MCPH1: variants seen among roughly 807,000 people sequenced by gnomAD.
MCPH1 encodes microcephalin.
A neutral mutation model predicts 84.5 loss-of-function variants in MCPH1; 104 were observed. That is an observed-to-expected ratio of 1.23 (90% confidence interval 1.05 to 1.45). The LOEUF (loss-of-function observed/expected upper bound fraction) is 1.45, where lower values mean the gene tolerates loss of function less well. Ranked by LOEUF, MCPH1 falls within the 40% of genes most tolerant of loss-of-function variation. MCPH1 has a pLI of 0.00. For synonymous variants in MCPH1, 514 were observed against 366.8 expected, an observed-to-expected ratio of 1.40 and a Z score of -4.58; for missense variants, 1,498 against 1,005.7, an observed-to-expected ratio of 1.49 and a Z score of -6.62.
intron 3 of MCPH1, among the ~76,000 whole-genome samples, chr8:6,424,471 C>G (rs976460691): frequency 2.0e-5 from 3 of 152,292 alleles, no homozygotes; most frequent in African/African-American, 7.2e-5. Flanking sequence ...CTCCCGGAAT[C>G]CTCAGACTCC....
intron 12 of MCPH1, among the ~76,000 whole-genome samples, chr8:6,525,065 A>T (rs1458157798): frequency 6.6e-6 from 1 of 152,250 alleles, no homozygotes; most frequent in Non-Finnish European, 1.5e-5. Flanking sequence ...TTTAGTTCGA[A>T]TGATCTGGTA....
chr8:6,437,962 G>A (rs749201741), intron 5 of MCPH1, among the ~76,000 whole-genome samples: 1 of 152,088 alleles, frequency 6.6e-6, no homozygotes, highest in Non-Finnish European at 1.5e-5. Flanking sequence ...AAACCAGAAG[G>A]ACATCCCCTC....
At chr8:6,611,903 C>T (rs1411154347) in intron 12 of MCPH1, among the ~76,000 whole-genome samples, 1 of 152,214 alleles carries the variant, frequency 6.6e-6, no homozygotes, top group African/African-American at 2.4e-5. Context: ...CAGGCGTGAG[C>T]CACCGCGCCC....
At chr8:6,504,842 G>T (rs1220291819) in intron 12 of MCPH1, among the ~76,000 whole-genome samples, 1 of 152,000 alleles carries the variant, frequency 6.6e-6, no homozygotes, top group Non-Finnish European at 1.5e-5. Context: ...ATACACATAG[G>T]GTTTGATACT....
intron 9 of MCPH1, among the ~76,000 whole-genome samples, chr8:6,467,182 T>C (rs745631431): frequency 2.6e-5 from 4 of 152,216 alleles, no homozygotes; most frequent in Non-Finnish European, 4.4e-5. Flanking sequence ...TAAGACTTAG[T>C]TTATATATCA....
intron 13 of MCPH1, chr8:6,625,451 A>T (rs1831970602): frequency 5.1e-6 from 5 of 985,328 alleles, no homozygotes; most frequent in Non-Finnish European, 6.0e-6. Context: ...ACAATGTTTC[A>T]TTCTCAAAAT....
At chr8:6,626,622 G>A (rs1270305540) in intron 13 of MCPH1, 6 of 984,678 alleles carry the variant, frequency 6.1e-6, no homozygotes, top group Non-Finnish European at 7.2e-6. Flanking sequence ...TATTATATTT[G>A]AAAGCATTTG....
At chr8:6,461,809 T>G (rs11783794) in intron 9 of MCPH1, among the ~76,000 whole-genome samples, 1 of 152,232 alleles carries the variant, frequency 6.6e-6, no homozygotes, top group Non-Finnish European at 1.5e-5. Context: ...TTGAATATTG[T>G]CAGACACAGA....
chr8:6,491,581 C>T lies in MCPH1; in HGVS notation c.2137-8271C>T, dbSNP rs1033546514. Reference sequence around the variant, plus strand: ...TGCTGGTGTGCTGCACTCATTAACTCGTCATTTAGCATTAGGTATATCTCC... The same window carrying T: ...TGCTGGTGTGCTGCACTCATTAACTTGTCATTTAGCATTAGGTATATCTCC... On this transcript the variant is annotated intron_variant, in intron 11 of 13. Coordinates refer to ENST00000344683, the MANE Select transcript of MCPH1 (RefSeq NM_024596.5). Among the ~76,000 whole-genome samples the T allele has an allele frequency of 9.2e-5, 14 of 151,726 alleles. No homozygotes were observed. In the South Asian group the frequency reaches 1.3e-3, roughly 14 times the overall value.
At chr8:6,503,515 C>G (rs1283978108) in intron 12 of MCPH1, among the ~76,000 whole-genome samples, 1 of 152,108 alleles carries the variant, frequency 6.6e-6, no homozygotes, top group Non-Finnish European at 1.5e-5. Context: ...TGTGGAGAGG[C>G]CTGAATTCTC....
At chr8:6,478,747 T>C (rs1808802220) in intron 10 of MCPH1, among the ~76,000 whole-genome samples, 1 of 152,336 alleles carries the variant, frequency 6.6e-6, no homozygotes, top group South Asian at 2.1e-4. Flanking sequence ...TGTTTTTGTT[T>C]TCTTTTATCA....
chr8:6,626,610 CA>C, intron 13 of MCPH1: 1 of 984,050 alleles, frequency 1.0e-6, no homozygotes, highest in South Asian at 4.7e-5. Context: ...ATTGATAATA[CA>C]TATTATATTT....
chr8:6,611,641 C>T (rs559190696), intron 12 of MCPH1, among the ~76,000 whole-genome samples: 1 of 151,630 alleles, frequency 6.6e-6, no homozygotes, highest in South Asian at 2.1e-4. Flanking sequence ...TTTTTAAAGA[C>T]ATAGTCTCAC....
At chr8:6,521,214 C>G (rs1244902775) in intron 12 of MCPH1, 5 of 1,613,742 alleles carry the variant, frequency 3.1e-6, no homozygotes, top group African/African-American at 1.3e-5. Context: ...AAGTTATTAA[C>G]TGTCTCCATG....
At chr8:6,517,774 A>T (rs1816552891) in intron 12 of MCPH1, among the ~76,000 whole-genome samples, 1 of 152,226 alleles carries the variant, frequency 6.6e-6, no homozygotes, top group South Asian at 2.1e-4. Flanking sequence ...ACTCGCCCAG[A>T]GCCACAAATG....
intron 2 of MCPH1, among the ~76,000 whole-genome samples, chr8:6,412,198 G>C (rs899637175): frequency 6.6e-6 from 1 of 152,176 alleles, no homozygotes; most frequent in Non-Finnish European, 1.5e-5. Flanking sequence ...TGCAGGAGGG[G>C]AGACATGCCC....
intron 13 of MCPH1, among the ~76,000 whole-genome samples, chr8:6,638,492 C>A (rs1797712837): frequency 6.6e-6 from 1 of 151,806 alleles, no homozygotes; most frequent in South Asian, 2.1e-4. Flanking sequence ...GTATCCTAAC[C>A]ATAAGACCAC....
intron 3 of MCPH1, among the ~76,000 whole-genome samples, chr8:6,422,634 C>G (rs1432997699): frequency 6.6e-6 from 1 of 152,202 alleles, no homozygotes; most frequent in Non-Finnish European, 1.5e-5. Flanking sequence ...CAGCCTTTCT[C>G]AAGGGGCTCA....
At chr8:6,527,654 A>T (rs1214452116) in intron 12 of MCPH1, 1 of 1,613,896 alleles carries the variant, frequency 6.2e-7, no homozygotes, top group South Asian at 1.1e-5. Context: ...CTGAAGTTCA[A>T]GTCTCGTGGT....
Sources: allele counts gnomAD v4.1 joint callset (sites outside exome capture counted in the v4.1 genomes callset), GRCh38; gene constraint gnomAD v4.1.1; transcripts MANE v1.5; gene names NCBI Gene and HGNC (gene_info 2026-07-23, HGNC 2026-07-21).